The following UGT3A1 variants were observed in gnomAD, a reference collection of about 807,000 sequenced individuals.
UGT3A1 encodes UDP glycosyltransferase family 3 member A1, also known as UDP-glycosyltransferase 3A1.
In UGT3A1, 40 loss-of-function variants were observed where a neutral mutation model predicts 37.6. The ratio of observed to expected loss-of-function variants is 1.06; its 90% confidence interval spans 0.83 to 1.38. UGT3A1 has a LOEUF of 1.38. UGT3A1 is among the 40% of genes most tolerant of loss of function. The probability of loss-of-function intolerance (pLI) is 0.00; values close to 1 mark genes in which losing one functional copy is unlikely to be tolerated. For synonymous variants in UGT3A1, 256 were observed against 232.3 expected, an observed-to-expected ratio of 1.10 and a Z score of -0.93; for missense variants, 642 against 634.2, an observed-to-expected ratio of 1.01 and a Z score of -0.13.
chr5:35,980,841 A>G (rs1454697622), intron 2 of UGT3A1, among the ~76,000 whole-genome samples: 1 of 152,246 alleles, frequency 6.6e-6, no homozygotes, highest in Non-Finnish European at 1.5e-5. Context: ...AAGATGTTGT[A>G]CATTTCACTC....
rs1035278238 is a variant in UGT3A1, at chr5:35,952,784, C to T, written c.*1418G>A. 2 of 152,188 alleles carry T rather than the reference C, an allele frequency of 1.3e-5. No individual in the cohort carries two copies. Among genetic ancestry groups the T allele is most frequent in the African/African-American group, 4.8e-5 (2 of 41,432 alleles). The allele number at this position is 152,188 out of a possible 1,614,324, so 9.4% of individuals were successfully genotyped here. ...TATTATACGCACACAGATACACACA[C>T]TCTAATGTACTTCTGCGTGCTTCAT... On this transcript the variant is annotated 3_prime_UTR_variant, in exon 7 of 7. Transcript: ENST00000274278.
intron 2 of UGT3A1, among the ~76,000 whole-genome samples, chr5:35,979,941 C>T (rs981562329): frequency 6.6e-6 from 1 of 152,176 alleles, no homozygotes; most frequent in South Asian, 2.1e-4. Flanking sequence ...TTAAGACCAT[C>T]AGGTCTCATG....
chr5:35,972,152 GT>G (rs1740069725), intron 2 of UGT3A1, among the ~76,000 whole-genome samples: 1 of 152,118 alleles, frequency 6.6e-6, no homozygotes, highest in African/African-American at 2.4e-5. Flanking sequence ...AGGATAGTTA[GT>G]TTTATTTGTA....
chr5:35,955,704 C>A lies in UGT3A1; in HGVS notation c.1236G>T (p.Leu412Phe). 1.2e-6 allele frequency: 2 copies of A among 1,614,172 alleles called. No homozygotes were observed. Among genetic ancestry groups the A allele is most frequent in the Non-Finnish European group, 1.7e-6 (2 of 1,180,032 alleles). The change falls in exon 6 of 7, where the codon TTG becomes TTT. Residue 412 changes from leucine (L) to phenylalanine (F), a missense_variant. Physicochemically the swap from Leu to Phe is conservative, Grantham distance 22 (BLOSUM62 0). Coordinates refer to ENST00000274278, the MANE Select transcript of UGT3A1 (RefSeq NM_152404.4). ...TCAGTGTGTCGGCTGTGACCTGATT[C>A]AACCGGATAGAGACACCATAATTTT... ...VAKNYGVSIR[L>F]NQVTADTLTL...
chr5:35,977,559 C>T (rs1740340924), intron 2 of UGT3A1, among the ~76,000 whole-genome samples: 1 of 152,170 alleles, frequency 6.6e-6, no homozygotes, highest in Non-Finnish European at 1.5e-5. Flanking sequence ...TTCTAGCTCC[C>T]TCTCTCATCA....
At chr5:35,955,409 T>G in intron 6 of UGT3A1, 2 of 603,956 alleles carry the variant, frequency 3.3e-6, no homozygotes, top group East Asian at 5.5e-5. Flanking sequence ...AGAGATCATG[T>G]GTATATAATT....
intron 2 of UGT3A1, among the ~76,000 whole-genome samples, chr5:35,974,405 C>A (rs1248707336): frequency 2.0e-5 from 3 of 152,086 alleles, no homozygotes; most frequent in Admixed American, 6.5e-5. Context: ...GTTGGAAAGT[C>A]CAGGTGGAAG....
intron 4 of UGT3A1, chr5:35,962,849 G>T (rs767444784): frequency 1.1e-5 from 8 of 702,076 alleles, no homozygotes; most frequent in African/African-American, 8.7e-5. Flanking sequence ...AGGCTAGGAG[G>T]TGTTTTTCCT....
intron 1 of UGT3A1, among the ~76,000 whole-genome samples, chr5:35,988,758 T>C (rs1292438140): frequency 6.6e-6 from 1 of 152,172 alleles, no homozygotes; most frequent in African/African-American, 2.4e-5. Context: ...CTTCCTGTCC[T>C]ATGTTCGGGA....
At chr5:35,999,779 C>G (rs1561478131) in intron 1 of UGT3A1, among the ~76,000 whole-genome samples, 1 of 152,144 alleles carries the variant, frequency 6.6e-6, no homozygotes, top group Non-Finnish European at 1.5e-5. Flanking sequence ...TCCAGCTGGA[C>G]CTTTTAAGGT....
rs1338199001 is a variant in UGT3A1 at position 35,965,739 on chromosome 5, C to A, written c.490G>T (p.Ala164Ser). The change falls in exon 4 of 7, where the codon GCC (alanine) becomes TCC (serine). Residue 164 changes from alanine to serine, a missense_variant. By Grantham distance (99) the Ala-to-Ser change is moderately conservative. Coordinates refer to ENST00000274278, the MANE Select transcript of UGT3A1 (RefSeq NM_152404.4). ...IAEKLVKPFV[A>S]ILPTTFGSLD... ...GAGCCGAATGTGGTGGGAAGAATGG[C>A]CACAAATGGTTTCACAAGCTTCTCA... 2 of 1,614,134 alleles carry A rather than the reference C, an allele frequency of 1.2e-6. No individual in the cohort carries two copies. Among genetic ancestry groups the A allele is most frequent in the Admixed American group, 3.3e-5 (2 of 60,024 alleles).
At chr5:35,999,297 A>G (rs1208702159) in intron 1 of UGT3A1, among the ~76,000 whole-genome samples, 2 of 151,956 alleles carry the variant, frequency 1.3e-5, no homozygotes, top group Non-Finnish European at 2.9e-5. Flanking sequence ...TCTAAAACCA[A>G]AACGTTTGGC....
At chr5:35,986,295 T>A (rs544506517) in intron 2 of UGT3A1, among the ~76,000 whole-genome samples, 12 of 152,190 alleles carry the variant, frequency 7.9e-5, no homozygotes, top group African/African-American at 2.9e-4. Context: ...AGAACTACCA[T>A]ATGATGCAGC....
intron 4 of UGT3A1, among the ~76,000 whole-genome samples, chr5:35,963,132 G>A (rs1439588458): frequency 6.6e-6 from 1 of 152,136 alleles, no homozygotes; most frequent in Non-Finnish European, 1.5e-5. Flanking sequence ...AGCAGGGTGG[G>A]GCTAGAGAAT....
At chr5:35,992,180 C>T (rs557738459), upstream of UGT3A1, among the ~76,000 whole-genome samples, 8 of 152,306 alleles carry the variant, frequency 5.3e-5, no homozygotes, top group East Asian at 1.4e-3. Context: ...TTGAATTCTG[C>T]TTGTACTATT....
At chr5:35,989,721 C>A (rs959871203) in intron 1 of UGT3A1, among the ~76,000 whole-genome samples, 5 of 152,128 alleles carry the variant, frequency 3.3e-5, no homozygotes, top group Non-Finnish European at 5.9e-5. Context: ...GACACCAGCT[C>A]CCTCTTGAAG....
At chr5:35,975,678 T>G (rs1740238032) in intron 2 of UGT3A1, among the ~76,000 whole-genome samples, 1 of 152,188 alleles carries the variant, frequency 6.6e-6, no homozygotes, top group Admixed American at 6.5e-5. Flanking sequence ...TTTTTTACTT[T>G]TTTTCATTTT....
At chr5:35,972,862 A>G (rs1315224308) in intron 2 of UGT3A1, among the ~76,000 whole-genome samples, 1 of 147,810 alleles carries the variant, frequency 6.8e-6, no homozygotes, top group Non-Finnish European at 1.5e-5. Context: ...CACATTAATG[A>G]CCTGAAAGCT....
Position 35,965,542 on chromosome 5 carries a change from G to C in UGT3A1, c.687C>G (p.Phe229Leu), listed in dbSNP as rs150885334. 4.3e-6 allele frequency: 7 copies of C among 1,614,058 alleles called. No homozygotes were observed. In the African/African-American group the frequency reaches 9.3e-5, roughly 22 times the overall value. The stretch of plus-strand genomic sequence containing the variant: ...ACAAAACTGGCCTAGAGCCTTCTGG[G>C]AAATGCTCCTTGATGGTGTTGTCAA... ...STFDNTIKEH[F>L]PEGSRPVLSH... The change falls in exon 4 of 7, where the codon TTC (phenylalanine) becomes TTG (leucine). Residue 229 changes from phenylalanine to leucine, a missense_variant. Physicochemically the swap from Phe to Leu is conservative, Grantham distance 22. Transcript: ENST00000274278.
Sources: gnomAD v4.1 joint callset for allele counts (sites outside exome capture counted in the v4.1 genomes callset) on GRCh38, gnomAD v4.1.1 for gene constraint, MANE v1.5 for transcripts, NCBI Gene and HGNC (gene_info 2026-07-23, HGNC 2026-07-21) for gene names.